Variants in CRIM1 observed in about 807,000 individuals in gnomAD.
CRIM1 encodes the protein cysteine rich transmembrane BMP regulator 1, also known as cysteine-rich motor neuron 1 protein.
Under a neutral mutation model 116.4 loss-of-function variants are expected in CRIM1, and 32 were observed. The observed-to-expected ratio is 0.27, with a 90% CI of 0.21 to 0.37. The LOEUF (loss-of-function observed/expected upper bound fraction) is 0.37. CRIM1 is among the 10% of genes least tolerant of loss of function. CRIM1 has a pLI of 1.00. For synonymous variants in CRIM1, 590 were observed against 509.2 expected, an observed-to-expected ratio of 1.16 and a Z score of -2.13; for missense variants, 1,331 against 1,354.8, an observed-to-expected ratio of 0.98 and a Z score of 0.28.
chr2:36,522,727 G>A (rs1451094578), intron 13 of CRIM1, among the ~76,000 whole-genome samples: 5 of 150,946 alleles, frequency 3.3e-5, no homozygotes, highest in East Asian at 2.0e-4. Context: ...ACTTGAACAC[G>A]GGAGGCGGAG....
chr2:36,382,637 C>A (rs957651437), intron 1 of CRIM1, among the ~76,000 whole-genome samples: 1 of 152,212 alleles, frequency 6.6e-6, no homozygotes, highest in African/African-American at 2.4e-5. Context: ...TTCCTCCACC[C>A]GATTGATAAG....
intron 1 of CRIM1, among the ~76,000 whole-genome samples, chr2:36,366,250 T>C (rs1669596819): frequency 6.6e-6 from 1 of 152,164 alleles, no homozygotes; most frequent in Non-Finnish European, 1.5e-5. Context: ...TAGTAGAAAT[T>C]GGATTTTCTT....
chr2:36,507,985 G>C (rs976428977), intron 8 of CRIM1, among the ~76,000 whole-genome samples: 1 of 152,194 alleles, frequency 6.6e-6, no homozygotes, highest in African/African-American at 2.4e-5. Context: ...CATGACCTAA[G>C]CATTCTTGTG....
rs370410828 is a variant in CRIM1, at chr2:36,481,520, A to G, written c.1372+1826A>G. 2.0e-5 allele frequency among the ~76,000 whole-genome samples: 3 copies of G among 152,322 alleles called. No individual in the cohort carries two copies. The South Asian group carries it at 6.2e-4, about 32-fold the overall frequency. On this transcript the variant is annotated intron_variant, in intron 7 of 16. Transcript: ENST00000280527. ...TGGACACAAAGATAAGTAAGAGATA[A>G]CCTTTAACTTTGAAGAGCCTATTTA...
chr2:36,509,853 C>A, intron 8 of CRIM1, 130 bp from the exon 9 acceptor site: 1 of 737,486 alleles, frequency 1.4e-6, no homozygotes, highest in Non-Finnish European at 2.2e-6. Context: ...TTAATGATAA[C>A]CAGTGCCATG....
chr2:36,378,002 C>G (rs769312882), intron 1 of CRIM1, among the ~76,000 whole-genome samples: 72 of 152,272 alleles, frequency 4.7e-4, no homozygotes, highest in Non-Finnish European at 3.4e-4. Context: ...ACAAAGCCAT[C>G]AGGTGATTTG....
intron 1 of CRIM1, among the ~76,000 whole-genome samples, chr2:36,360,592 A>G (rs907894059): frequency 6.6e-6 from 1 of 152,180 alleles, no homozygotes; most frequent in African/African-American, 2.4e-5. Flanking sequence ...GTTTCCTGAA[A>G]CTTGCCATGC....
intron 2 of CRIM1, among the ~76,000 whole-genome samples, chr2:36,426,603 G>A (rs1190737175): frequency 6.6e-6 from 1 of 152,056 alleles, no homozygotes; most frequent in Non-Finnish European, 1.5e-5. Context: ...CAGAAAATGG[G>A]CAGTAAGTCA....
intron 1 of CRIM1, chr2:36,369,146 C>T (rs1047542334): frequency 6.6e-6 from 1 of 152,222 alleles, no homozygotes; most frequent in Non-Finnish European, 1.5e-5. Flanking sequence ...TTTTAAACCT[C>T]TGCGGCAGTA....
chr2:36,431,175 G>A lies in CRIM1; in HGVS notation c.506-10083G>A, dbSNP rs188302517. 5.6e-3 allele frequency among the ~76,000 whole-genome samples: 847 copies of A among 152,222 alleles called. 3 individuals are homozygous for A. Among genetic ancestry groups the A allele is most frequent in the Middle Eastern group, 0.017 (5 of 294 alleles). On this transcript the variant is annotated intron_variant, in intron 2 of 16. Coordinates refer to ENST00000280527, the MANE Select transcript of CRIM1 (RefSeq NM_016441.3). ...TTACATCTGTGCCTTGGGACATCGC[G>A]TTAGGTGTTAGGTTTAAAACAAACT... is the stretch of plus-strand genomic sequence containing the variant.
At chr2:36,490,162 A>G (rs555760475) in intron 7 of CRIM1, among the ~76,000 whole-genome samples, 18 of 152,312 alleles carry the variant, frequency 1.2e-4, no homozygotes, top group African/African-American at 4.3e-4. Context: ...TGAAAGGGCT[A>G]AGAATTCATT....
intron 5 of CRIM1, among the ~76,000 whole-genome samples, chr2:36,470,360 T>C (rs1309199725): frequency 6.6e-6 from 1 of 152,142 alleles, no homozygotes; most frequent in Non-Finnish European, 1.5e-5. Flanking sequence ...AGATATTCAG[T>C]GTAGAGGAAG....
At chr2:36,494,600 G>A (rs1680453631) in intron 7 of CRIM1, among the ~76,000 whole-genome samples, 1 of 152,102 alleles carries the variant, frequency 6.6e-6, no homozygotes, top group Non-Finnish European at 1.5e-5. Context: ...TGCTTGGAGG[G>A]TCTCTAAAAA....
At chr2:36,529,868 A>G (rs1665996980) in intron 13 of CRIM1, among the ~76,000 whole-genome samples, 18 of 152,086 alleles carry the variant, frequency 1.2e-4, no homozygotes, top group Admixed American at 1.2e-3. Flanking sequence ...ACCCTAAGAA[A>G]TAAATGAAAT....
In CRIM1 at chr2:36,415,721, A is replaced by G. The variant is rs747430982; in HGVS notation, c.505+18934A>G. On this transcript the variant is annotated intron_variant, in intron 2 of 16. Transcript: ENST00000280527. ...CACTCCAGAGCATGTGGAGAAGCCC[A>G]TACCATTTAAATCATTCTTCCTCCA... Among the ~76,000 whole-genome samples, 6 of 152,216 alleles carry G rather than the reference A, an allele frequency of 3.9e-5. No homozygotes were observed. In the South Asian group the frequency reaches 8.3e-4, roughly 21 times the overall value.
chr2:36,447,315 CA>C (rs1676321819), intron 4 of CRIM1, among the ~76,000 whole-genome samples: 1 of 152,112 alleles, frequency 6.6e-6, no homozygotes, highest in African/African-American at 2.4e-5. Context: ...TTTTTAAGTC[CA>C]AGAAATATAT....
At position 36,548,805 on chromosome 2, in the gene CRIM1, G is replaced by GTGACT. The variant is rs1667541343; in HGVS notation, c.*108_*112dup. The GTGACT allele has an allele frequency of 1.1e-6, 1 of 937,126 alleles. No homozygotes were observed. The highest frequency in any genetic ancestry group is 2.6e-5 in the Admixed American group (1 of 38,496). The allele number at this position is 937,126 out of a possible 1,614,324, so 58.1% of individuals were successfully genotyped here. Reference sequence around the variant, plus strand: ...CTTGCTTAGTGGATTGTATTGGATTGTGACTTGATGTACAGCGCTAAGACC... The same window carrying GTGACT: ...CTTGCTTAGTGGATTGTATTGGATTGTGACTTGACTTGATGTACAGCGCTAAGACC... On this transcript the variant is annotated 3_prime_UTR_variant, in exon 17 of 17. Transcript: ENST00000280527.
intron 1 of CRIM1, among the ~76,000 whole-genome samples, chr2:36,381,961 T>C (rs536045843): frequency 5.3e-4 from 81 of 152,322 alleles, no homozygotes; most frequent in Non-Finnish European, 4.3e-4. Context: ...CTTTCTGTTT[T>C]CTTTCATTGG....
At chr2:36,500,968 C>A (rs2125088698) in intron 8 of CRIM1, among the ~76,000 whole-genome samples, 1 of 152,322 alleles carries the variant, frequency 6.6e-6, no homozygotes, top group Non-Finnish European at 1.5e-5. Flanking sequence ...AGAATCTGTA[C>A]TGGCTCCTGG....
Sources: allele counts gnomAD v4.1 joint callset (sites outside exome capture counted in the v4.1 genomes callset), GRCh38; gene constraint gnomAD v4.1.1; transcripts MANE v1.5; gene names NCBI Gene and HGNC (gene_info 2026-07-23, HGNC 2026-07-21).